Variants in ACSS2 observed in about 807,000 individuals in gnomAD.
ACSS2 encodes acetyl-coenzyme A synthetase, cytoplasmic.
A neutral mutation model predicts 90.6 loss-of-function variants in ACSS2; 58 were observed. The ratio of observed to expected loss-of-function variants is 0.64; its 90% CI spans 0.52 to 0.80. ACSS2 has a LOEUF of 0.80. ACSS2 is among the 30% of genes least tolerant of loss of function. The probability of loss-of-function intolerance (pLI) is 0.00; values close to 1 mark genes in which losing one functional copy is unlikely to be tolerated. For missense variants in ACSS2, 759 were observed against 912.0 expected, an observed-to-expected ratio of 0.83 and a Z score of 2.16; for synonymous variants, 300 against 330.9, an observed-to-expected ratio of 0.91 and a Z score of 1.01.
rs940057618 is a variant in ACSS2 at position 34,909,217 on chromosome 20, A to T, written c.375-3879A>T. Among the ~76,000 whole-genome samples the T allele has an allele frequency of 2.7e-5, 4 of 148,452 alleles. No individual in the cohort carries two copies. In the East Asian group the frequency reaches 7.9e-4, roughly 29 times the overall value. On this transcript the variant is annotated intron_variant, in intron 2 of 17. Transcript: ENST00000360596. ...TGCAAAAAAAAAAAAAAAAAAAAAAAGGTAGCCAGACATGGTGACTCTGGC... is the reference window on the plus strand; with the variant it reads ...TGCAAAAAAAAAAAAAAAAAAAAAATGGTAGCCAGACATGGTGACTCTGGC...
chr20:34,927,272 TG>T lies in ACSS2; in HGVS notation c.*59del. ...TGCTCCAAACTTTGCCCATCCTCTT[TG>T]CCCCCTCAGGAGTGCTGAGGGCCAG... On this transcript the variant is annotated 3_prime_UTR_variant, in exon 18 of 18. Coordinates refer to ENST00000360596, the MANE Select transcript of ACSS2 (RefSeq NM_018677.4). The surrounding 1 kb of genome is among the most constrained non-coding windows in gnomAD (Gnocchi z 4.2). 1 of 1,603,170 alleles carries T rather than the reference TG, an allele frequency of 6.2e-7. No individual in the cohort carries two copies. The highest frequency in any genetic ancestry group is 8.5e-7 in the Non-Finnish European group (1 of 1,178,198).
chr20:34,891,109 G>A (rs1457298355), intron 2 of ACSS2, among the ~76,000 whole-genome samples: 2 of 152,044 alleles, frequency 1.3e-5, no homozygotes, highest in Non-Finnish European at 2.9e-5. Flanking sequence ...CAAAACATGG[G>A]CTTGCCTCAC....
At chr20:34,916,644 T>G (rs561726832) in intron 7 of ACSS2, among the ~76,000 whole-genome samples, 2 of 152,354 alleles carry the variant, frequency 1.3e-5, no homozygotes, top group Non-Finnish European at 2.9e-5. Context: ...GTTGTTGGTC[T>G]GAGAATTGCA....
At chr20:34,890,651 T>C (rs548897908) in intron 2 of ACSS2, among the ~76,000 whole-genome samples, 4 of 152,328 alleles carry the variant, frequency 2.6e-5, no homozygotes, top group South Asian at 4.1e-4. Context: ...ACATTTGGTA[T>C]CGTTGATTCC....
At chr20:34,909,992 C>T (rs891650464) in intron 2 of ACSS2, among the ~76,000 whole-genome samples, 1 of 150,344 alleles carries the variant, frequency 6.7e-6, no homozygotes, top group Non-Finnish European at 1.5e-5. Context: ...GCTGGGAATA[C>T]AGGTGTGAGC....
intron 5 of ACSS2, 106 bp downstream of exon 5, chr20:34,913,931 G>A (rs1472143422): frequency 5.8e-6 from 8 of 1,383,684 alleles, no homozygotes; most frequent in Non-Finnish European, 8.2e-6. Context: ...GGTAGAGACT[G>A]CCTGCCTTTT....
intron 2 of ACSS2, among the ~76,000 whole-genome samples, chr20:34,889,211 C>T (rs796412575): frequency 1.3e-5 from 2 of 152,254 alleles, no homozygotes; most frequent in African/African-American, 4.8e-5. Context: ...CAAGCTCTGC[C>T]TCCTGGGTTC....
chr20:34,913,865 C>A (rs1568991076), intron 5 of ACSS2, 40 bp downstream of exon 5: 1 of 1,590,276 alleles, frequency 6.3e-7, no homozygotes, highest in East Asian at 2.2e-5. Flanking sequence ...ACCCCCCATA[C>A]CTCAAGCCTT....
At chr20:34,884,151 G>C (rs1317326515) in intron 2 of ACSS2, among the ~76,000 whole-genome samples, 2 of 152,040 alleles carry the variant, frequency 1.3e-5, no homozygotes, top group African/African-American at 4.8e-5. Context: ...GTAATGATGG[G>C]GTTTCACCAT....
chr20:34,916,471 TTG>T (rs2081080333), intron 7 of ACSS2, among the ~76,000 whole-genome samples: 1 of 152,212 alleles, frequency 6.6e-6, no homozygotes, highest in Non-Finnish European at 1.5e-5. Context: ...AACAGACAGA[TTG>T]GCATTTCTAA....
chr20:34,875,178 G>A, upstream of ACSS2: 1 of 534,624 alleles, frequency 1.9e-6, no homozygotes, highest in East Asian at 5.4e-5. Context: ...TCTTTCTGGG[G>A]TGGAGGGGCT....
At chr20:34,878,899 T>C (rs374546400) in intron 1 of ACSS2, among the ~76,000 whole-genome samples, 4 of 146,498 alleles carry the variant, frequency 2.7e-5, no homozygotes, top group African/African-American at 4.9e-5. Flanking sequence ...GCTTTTCTTT[T>C]TTTTTTTTTT....
intron 2 of ACSS2, among the ~76,000 whole-genome samples, chr20:34,887,550 G>A (rs908811747): frequency 5.9e-5 from 9 of 152,136 alleles, no homozygotes; most frequent in Non-Finnish European, 1.3e-4. Flanking sequence ...GACCAGCCTG[G>A]CCAACATGGT....
rs2079917918 is a variant in ACSS2, at chr20:34,876,681, C to T, written c.36C>T (p.Ser12=). 2 of 1,411,976 alleles carry T rather than the reference C, an allele frequency of 1.4e-6. No individual in the cohort carries two copies. The highest frequency in any genetic ancestry group is 1.5e-5 in the South Asian group (1 of 65,800). 87.5% of individuals were successfully genotyped at this position (1,411,976 alleles called of 1,614,324 possible). The stretch of plus-strand genomic sequence containing the variant: ...CTGAGGAGCGGGTCCGGAGCGGCAG[C>T]GGGAGCCGGGGCCAGGAGGAAGCTG... ...GLPEERVRSG[S]GSRGQEEAGA... Residue 12 remains serine (S), a synonymous_variant, in exon 1 of 18, where the codon AGC becomes AGT. Coordinates refer to ENST00000360596, the MANE Select transcript of ACSS2 (RefSeq NM_018677.4).
intron 7 of ACSS2, among the ~76,000 whole-genome samples, chr20:34,918,414 T>C (rs1309963035): frequency 1.3e-5 from 2 of 152,214 alleles, no homozygotes; most frequent in Middle Eastern, 3.2e-3. Context: ...AGAGGTGATA[T>C]AGACAGAAAA....
intron 2 of ACSS2, among the ~76,000 whole-genome samples, chr20:34,898,902 G>C (rs542488139): frequency 6.6e-5 from 10 of 152,324 alleles, no homozygotes; most frequent in African/African-American, 2.2e-4. Flanking sequence ...CGGTGGGGGT[G>C]GGGGAGGCTC....
At chr20:34,926,328 C>G in intron 16 of ACSS2, 47 bp downstream of exon 16, 1 of 1,576,812 alleles carries the variant, frequency 6.3e-7, no homozygotes, top group Non-Finnish European at 8.6e-7. Flanking sequence ...TCTTGGAGGC[C>G]CAGTTATCAC....
At chr20:34,903,743 T>C (rs1458060473) in intron 2 of ACSS2, among the ~76,000 whole-genome samples, 1 of 151,694 alleles carries the variant, frequency 6.6e-6, no homozygotes, top group African/African-American at 2.4e-5. Flanking sequence ...ATCGTTCTCA[T>C]ATAAAGAGGG....
chr20:34,914,064 C>T, intron 5 of ACSS2, 32 bp from the exon 6 acceptor site: 2 of 1,612,186 alleles, frequency 1.2e-6, no homozygotes, highest in Non-Finnish European at 1.7e-6. Flanking sequence ...ATGGGGCTTA[C>T]TAAGGCCTGG....
Sources: gnomAD v4.1 joint callset for allele counts (sites outside exome capture counted in the v4.1 genomes callset) on GRCh38, gnomAD v4.1.1 for gene constraint, Gnocchi (gnomAD v3.1) non-coding constraint, MANE v1.5 for transcripts, NCBI Gene and HGNC (gene_info 2026-07-23, HGNC 2026-07-21) for gene names.